Variants in FNDC3B observed in about 807,000 individuals in gnomAD.
FNDC3B encodes fibronectin type III domain containing 3B.
Under a neutral mutation model 151.5 loss-of-function variants are expected in FNDC3B, and 12 were observed. That is an observed-to-expected ratio of 0.08 (90% CI 0.05 to 0.13). The LOEUF is 0.13. FNDC3B is among the 10% of genes least tolerant of loss of function. The probability of loss-of-function intolerance (pLI) is 1.00; values close to 1 mark genes in which losing one functional copy is unlikely to be tolerated. For synonymous variants in FNDC3B, 528 were observed against 549.0 expected (o/e 0.96, Z 0.54); for missense variants, 1,214 against 1,505.3 (o/e 0.81, Z 3.20).
chr3:172,087,936 T>C (rs1419282509), intron 1 of FNDC3B, among the ~76,000 whole-genome samples: 1 of 152,198 alleles, frequency 6.6e-6, no homozygotes, highest in Non-Finnish European at 1.5e-5. Flanking sequence ...TAGTCCACAT[T>C]AGCAAGAGAT....
intron 9 of FNDC3B, among the ~76,000 whole-genome samples, chr3:172,306,290 G>A (rs1053293393): frequency 4.6e-5 from 7 of 152,164 alleles, no homozygotes; most frequent in African/African-American, 9.7e-5. Flanking sequence ...AGGCAATACC[G>A]TATATACTGG....
In FNDC3B at chr3:172,307,478, A is replaced by G; in HGVS notation, c.1177A>G (p.Ser393Gly). The change falls in exon 10 of 26, where the codon AGT becomes GGT. Residue 393 changes from serine (S) to glycine (G), a missense_variant. Ser to Gly is a moderately conservative substitution (Grantham distance 56, BLOSUM62 0). This residue lies in a region of FNDC3B where 156 missense variants were observed against 225.3 expected (regional missense o/e 0.69). Transcript: ENST00000415807. ...CCCTAAGCTGGCACATAGGAGCAAA[A>G]GTTCACTAACCCTGCAGTGGAAGGT... is the stretch of plus-strand genomic sequence containing the variant. ...FPPKLAHRSK[S>G]SLTLQWKAPI... 6.2e-7 allele frequency: 1 copy of G among 1,614,108 alleles called. No homozygotes were observed. Among genetic ancestry groups the G allele is most frequent in the Non-Finnish European group, 8.5e-7 (1 of 1,179,990 alleles).
intron 1 of FNDC3B, among the ~76,000 whole-genome samples, chr3:172,056,873 T>G (rs1437266391): frequency 6.6e-6 from 1 of 152,228 alleles, no homozygotes; most frequent in Non-Finnish European, 1.5e-5. Flanking sequence ...TGTGACAGCT[T>G]TCCAGCTCAT....
chr3:172,245,124 A>G (rs944436268), intron 4 of FNDC3B, among the ~76,000 whole-genome samples: 1 of 147,696 alleles, frequency 6.8e-6, no homozygotes, highest in Non-Finnish European at 1.5e-5. Context: ...TCAAAAAGCT[A>G]CTTCAAAAAA....
intron 1 of FNDC3B, among the ~76,000 whole-genome samples, chr3:172,110,666 G>A (rs2108537449): frequency 6.6e-6 from 1 of 152,024 alleles, no homozygotes; most frequent in Admixed American, 6.6e-5. Flanking sequence ...ATGCAGAGAA[G>A]ACAACAGAGC....
chr3:172,383,477 G>A (rs1052340867), intron 25 of FNDC3B, among the ~76,000 whole-genome samples: 11 of 152,210 alleles, frequency 7.2e-5, no homozygotes, highest in Admixed American at 6.5e-5. Flanking sequence ...CTAATGGAAG[G>A]TTAAGGGAGA....
At chr3:172,347,634 A>G (rs1427498130) in intron 21 of FNDC3B, among the ~76,000 whole-genome samples, 1 of 152,258 alleles carries the variant, frequency 6.6e-6, no homozygotes, top group African/African-American at 2.4e-5. Flanking sequence ...AGTTTGCTGA[A>G]TAAATGACCC....
chr3:172,258,414 C>T (rs974518901), intron 6 of FNDC3B, among the ~76,000 whole-genome samples: 5 of 152,136 alleles, frequency 3.3e-5, no homozygotes, highest in African/African-American at 9.7e-5. Context: ...TCCTCCCTGG[C>T]ATTTTTTCTC....
intron 23 of FNDC3B, among the ~76,000 whole-genome samples, chr3:172,370,519 T>C (rs1734834396): frequency 1.3e-5 from 2 of 152,204 alleles, no homozygotes; most frequent in South Asian, 4.1e-4. Context: ...CAATAAGAAG[T>C]CATAGAATTT....
chr3:172,149,790 C>G (rs918090988), intron 3 of FNDC3B, among the ~76,000 whole-genome samples: 1 of 128,942 alleles, frequency 7.8e-6, no homozygotes, highest in African/African-American at 3.1e-5. Flanking sequence ...TTGTGTATAC[C>G]TTTTGTATGT....
chr3:172,109,164 CT>C (rs398052444), intron 1 of FNDC3B, among the ~76,000 whole-genome samples: 5,180 of 119,940 alleles, frequency 0.043, 84 homozygotes, highest in Non-Finnish European at 0.059. Context: ...GCCTTGGATT[CT>C]TTTTTTTTTT....
chr3:172,252,536 G>C (rs1296694452), intron 6 of FNDC3B, among the ~76,000 whole-genome samples: 1 of 151,396 alleles, frequency 6.6e-6, no homozygotes, highest in African/African-American at 2.4e-5. Context: ...TCTCATTCAG[G>C]TAGAAAAAGG....
intron 1 of FNDC3B, among the ~76,000 whole-genome samples, chr3:172,091,873 G>GTGTGTGT (rs3221957): frequency 4.2e-4 from 52 of 124,818 alleles, no homozygotes; most frequent in African/African-American, 1.4e-3. Context: ...ACTTTACTGG[G>GTGTGTGT]GTGTGTGTGT....
intron 3 of FNDC3B, among the ~76,000 whole-genome samples, chr3:172,169,843 T>C (rs1723200346): frequency 6.6e-6 from 1 of 152,244 alleles, no homozygotes; most frequent in African/African-American, 2.4e-5. Context: ...AAAATTCTCA[T>C]GTGTCTTTAC....
intron 25 of FNDC3B, among the ~76,000 whole-genome samples, chr3:172,384,560 A>T (rs1432060975): frequency 6.6e-6 from 1 of 152,216 alleles, no homozygotes; most frequent in Non-Finnish European, 1.5e-5. Context: ...CAGTACATTG[A>T]TCACACATTT....
chr3:172,378,167 G>A (rs949123381), intron 23 of FNDC3B, 103 bp from the exon 24 acceptor site: 73 of 884,922 alleles, frequency 8.2e-5, no homozygotes, highest in African/African-American at 1.5e-4. Flanking sequence ...TATGGAAAGC[G>A]TTTACCAGGT....
At position 172,267,049 on chromosome 3, in the gene FNDC3B, A is replaced by G. The variant is rs536892711; in HGVS notation, c.790+15508A>G. On this transcript the variant is annotated intron_variant, in intron 6 of 25. Coordinates refer to ENST00000415807, the MANE Select transcript of FNDC3B (RefSeq NM_022763.4). ...GCTGCAGTTAATTTCATCCAAAGGT[A>G]CAATAGCAGCAGCAAGTATCTGTCT... is the stretch of plus-strand genomic sequence containing the variant. Among the ~76,000 whole-genome samples the G allele has an allele frequency of 2.0e-4, 31 of 152,354 alleles. No homozygotes were observed. In the East Asian group the frequency reaches 4.4e-3, roughly 22 times the overall value.
intron 3 of FNDC3B, among the ~76,000 whole-genome samples, chr3:172,201,366 CAACA>C (rs1261715980): frequency 1.3e-5 from 2 of 152,100 alleles, no homozygotes; most frequent in Non-Finnish European, 2.9e-5. Context: ...TCTCCCATAA[CAACA>C]AACAAACAAT....
At chr3:172,146,126 A>T (rs1721898577) in intron 3 of FNDC3B, among the ~76,000 whole-genome samples, 1 of 152,034 alleles carries the variant, frequency 6.6e-6, no homozygotes. Flanking sequence ...ATAGTTTTTT[A>T]AAAACATTAA....
Sources: gnomAD v4.1 joint callset for allele counts (sites outside exome capture counted in the v4.1 genomes callset) on GRCh38, gnomAD v4.1.1 for gene constraint, gnomAD v4.1.1 regional missense constraint, MANE v1.5 for transcripts, NCBI Gene and HGNC (gene_info 2026-07-23, HGNC 2026-07-21) for gene names.